Variants in POLD1 observed in about 807,000 individuals in gnomAD.
POLD1 encodes the protein DNA polymerase delta catalytic subunit.
Under a neutral mutation model 129.7 loss-of-function variants are expected in POLD1, and 79 were observed. The ratio of observed to expected loss-of-function variants is 0.61; its 90% CI spans 0.51 to 0.73. The LOEUF is 0.73. Ranked by LOEUF, POLD1 falls within the 30% of genes least tolerant of loss-of-function variation. The pLI is 0.00. For synonymous variants in POLD1, 714 were observed against 683.3 expected (o/e 1.04, Z -0.70); for missense variants, 1,338 against 1,595.8 (o/e 0.84, Z 2.75).
Position 50,406,110 on chromosome 19 carries a change from C to T in POLD1, c.1243-72C>T, listed in dbSNP as rs2122313242. 1 of 1,556,542 alleles carries T rather than the reference C, an allele frequency of 6.4e-7. No individual in the cohort carries two copies. Among genetic ancestry groups the T allele is most frequent in the Non-Finnish European group, 8.8e-7 (1 of 1,142,822 alleles). On this transcript the variant is annotated intron_variant, in intron 10 of 26. Coordinates refer to ENST00000440232, the MANE Select transcript of POLD1 (RefSeq NM_002691.4). This position sits in a 1 kb window ranked among gnomAD's most constrained non-coding sequence, Gnocchi z 5.5. ...TTGTTATAAGGATGTTGTGGTTGGT[C>T]TCAATCTCCGTTCTTCAGGCTTATG... is the stretch of plus-strand genomic sequence containing the variant.
At position 50,409,103 on chromosome 19, in the gene POLD1, C is replaced by T. The variant is rs2039001666; in HGVS notation, c.1893-19C>T. On this transcript the variant is annotated intron_variant, in intron 15 of 26. Transcript: ENST00000440232. The surrounding 1 kb of genome is among the most constrained non-coding windows in gnomAD (Gnocchi z 5.8). The stretch of plus-strand genomic sequence containing the variant: ...AGCAGGAGGGTGGCCGGCAGTCACC[C>T]CAACATCTTCCAACCCAGCCTGACT... 1.3e-6 allele frequency: 2 copies of T among 1,571,950 alleles called. No homozygotes were observed. The highest frequency in any genetic ancestry group is 1.3e-5 in the African/African-American group (1 of 74,154).
chr19:50,394,338 G>C (rs1370057467), intron 1 of POLD1, among the ~76,000 whole-genome samples: 1 of 152,178 alleles, frequency 6.6e-6, no homozygotes, highest in African/African-American at 2.4e-5. Context: ...CAGGGTTGGA[G>C]GGGTGTGTTC....
intron 20 of POLD1, 29 bp from the exon 21 acceptor site, chr19:50,415,409 G>A: frequency 6.3e-7 from 1 of 1,596,662 alleles, no homozygotes; most frequent in Non-Finnish European, 8.6e-7. Context: ...GTGCCTTTTG[G>A]TGACGCTGTG....
rs777809352 is a variant in POLD1, at chr19:50,406,509, G to C, written c.1486G>C (p.Asp496His). The change falls in exon 12 of 27, where the codon GAC becomes CAC. Residue 496 changes from aspartate (D) to histidine (H), a missense_variant. Transcript: ENST00000440232. This position sits in a 1 kb window ranked among gnomAD's most constrained non-coding sequence, Gnocchi z 5.5. Reference protein sequence around the residue: ...KEDVQHSIITDLQNGNDQTRR... With the variant: ...KEDVQHSIITHLQNGNDQTRR... Reference sequence around the variant, plus strand: ...GGACGTGCAGCACAGCATCATCACCGACCTGCAGGTGCCTGCTGCCTCCCT... The same window carrying C: ...GGACGTGCAGCACAGCATCATCACCCACCTGCAGGTGCCTGCTGCCTCCCT... 1.9e-6 allele frequency: 3 copies of C among 1,579,706 alleles called. No individual in the cohort carries two copies. The highest frequency in any genetic ancestry group is 2.6e-6 in the Non-Finnish European group (3 of 1,161,778).
intron 3 of POLD1, among the ~76,000 whole-genome samples, chr19:50,400,496 C>T (rs1322971607): frequency 6.9e-6 from 1 of 144,316 alleles, no homozygotes; most frequent in African/African-American, 2.6e-5. Context: ...GCTGGGATTA[C>T]AGGAGTGAGT....
chr19:50,417,356 G>A (rs1367713577), intron 26 of POLD1, 87 bp downstream of exon 26: 8 of 839,976 alleles, frequency 9.5e-6, no homozygotes, highest in African/African-American at 3.4e-5. Flanking sequence ...TGACTCCAAG[G>A]CCTCTCCTGA....
intron 3 of POLD1, among the ~76,000 whole-genome samples, chr19:50,401,187 G>C (rs1273180137): frequency 6.7e-6 from 1 of 150,298 alleles, no homozygotes; most frequent in African/African-American, 2.4e-5. Flanking sequence ...TGTTCAGGTG[G>C]CTGAGGCACA....
intron 1 of POLD1, among the ~76,000 whole-genome samples, chr19:50,387,256 G>A (rs975033075): frequency 6.6e-6 from 1 of 152,158 alleles, no homozygotes; most frequent in African/African-American, 2.4e-5. Flanking sequence ...GGCGGAGGTT[G>A]CAGTGAGCAA....
At chr19:50,415,413 C>CGG in intron 20 of POLD1, 25 bp from the exon 21 acceptor site, 1 of 1,598,038 alleles carries the variant, frequency 6.3e-7, no homozygotes, top group Non-Finnish European at 8.6e-7. Flanking sequence ...CTTTTGGTGA[C>CGG]GCTGTGCGGC....
Position 50,417,870 on chromosome 19 carries a change from A to G in POLD1, c.3247A>G (p.Lys1083Glu), listed in dbSNP as rs200284426. The G allele has an allele frequency of 6.2e-7, 1 of 1,610,032 alleles. No individual in the cohort carries two copies. ...GGACTGCCCCATCTTCTACATGCGC[A>G]AGAAGGTGCGGAAGGACCTGGAAGA... ...SRDCPIFYMR[K>E]KVRKDLEDQE... The change falls in exon 27 of 27, where the codon AAG becomes GAG. Residue 1083 changes from lysine to glutamate, a missense_variant. Lys to Glu is a moderately conservative substitution (Grantham distance 56). This residue lies in a region of POLD1 where 286 missense variants were observed against 277.5 expected (regional missense o/e 1.03). Coordinates refer to ENST00000440232, the MANE Select transcript of POLD1 (RefSeq NM_002691.4).
intron 19 of POLD1, 24 bp downstream of exon 19, chr19:50,413,903 T>G (rs2122452839): frequency 6.4e-7 from 1 of 1,562,876 alleles, no homozygotes; most frequent in Non-Finnish European, 8.7e-7. Context: ...TCAGGGGCTC[T>G]GCATTTAGGT....
rs864622753 is a variant in POLD1 at position 50,401,837 on chromosome 19, C to T, written c.376C>T (p.Arg126Cys). Reference sequence around the variant, plus strand: ...ATCCCGCGGCTCCGTGCCTGTGCTCCGCGCCTTCGGGGTCACCGATGAGGG... The same window carrying T: ...ATCCCGCGGCTCCGTGCCTGTGCTCTGCGCCTTCGGGGTCACCGATGAGGG... ...PPSRGSVPVL[R>C]AFGVTDEGFS... The change falls in exon 4 of 27, where the codon CGC (arginine) becomes TGC (cysteine). Residue 126 changes from arginine (R) to cysteine (C), a missense_variant. Around this residue, in one of 3 missense-constraint regions of POLD1, gnomAD observed 332 missense variants for 315.7 expected, o/e 1.05. Transcript: ENST00000440232. The T allele has an allele frequency of 8.1e-6, 13 of 1,613,760 alleles. No homozygotes were observed. Among genetic ancestry groups the T allele is most frequent in the Admixed American group, 5.0e-5 (3 of 60,002 alleles).
In POLD1 at chr19:50,406,058, C is replaced by T. The variant is rs2305759; in HGVS notation, c.1243-124C>T. 2 of 1,171,298 alleles carry T rather than the reference C, an allele frequency of 1.7e-6. No homozygotes were observed. Among genetic ancestry groups the T allele is most frequent in the Non-Finnish European group, 2.4e-6 (2 of 818,032 alleles). 72.6% of individuals were successfully genotyped at this position (1,171,298 alleles called of 1,614,324 possible). A position where few individuals can be genotyped will look rare whatever the true frequency, so the allele number is the denominator to read the frequency against. On this transcript the variant is annotated intron_variant, in intron 10 of 26. Coordinates refer to ENST00000440232, the MANE Select transcript of POLD1 (RefSeq NM_002691.4). This position sits in a 1 kb window ranked among gnomAD's most constrained non-coding sequence, Gnocchi z 5.5. Reference sequence around the variant, plus strand: ...CCCAGCCCCAGACCGTCTTTCTGCCCCCAGGGTTGCTCTCGACCCCCTAGG... The same window carrying T: ...CCCAGCCCCAGACCGTCTTTCTGCCTCCAGGGTTGCTCTCGACCCCCTAGG...
chr19:50,388,636 C>T (rs1452719565), intron 1 of POLD1, among the ~76,000 whole-genome samples: 1 of 152,148 alleles, frequency 6.6e-6, no homozygotes, highest in East Asian at 1.9e-4. Flanking sequence ...AGAGAAGGTA[C>T]AAATTGAGTA....
Position 50,401,868 on chromosome 19 carries a change from C to T in POLD1, c.407C>T (p.Ser136Phe), listed in dbSNP as rs2122233853. 1 of 1,614,058 alleles carries T rather than the reference C, an allele frequency of 6.2e-7. No individual in the cohort carries two copies. The highest frequency in any genetic ancestry group is 1.1e-5 in the South Asian group (1 of 91,086). The change falls in exon 4 of 27, where the codon TCT becomes TTT. Residue 136 changes from serine to phenylalanine, a missense_variant. By Grantham distance (155) the Ser-to-Phe change is radical. Around this residue, in one of 3 missense-constraint regions of POLD1, gnomAD observed 332 missense variants for 315.7 expected, o/e 1.05. Coordinates refer to ENST00000440232, the MANE Select transcript of POLD1 (RefSeq NM_002691.4). ...RAFGVTDEGF[S>F]VCCHIHGFAP... ...TTCGGGGTCACCGATGAGGGGTTCT[C>T]TGTCTGCTGCCACATCCACGGCTTC...
chr19:50,398,806 G>A, intron 1 of POLD1, 45 bp from the exon 2 acceptor site: 1 of 1,585,324 alleles, frequency 6.3e-7, no homozygotes, highest in Non-Finnish European at 8.6e-7. Context: ...AGGGTAAGAG[G>A]TGTCTCCGGT....
chr19:50,413,035 G>A (rs1166839119), intron 17 of POLD1, among the ~76,000 whole-genome samples: 1 of 152,130 alleles, frequency 6.6e-6, no homozygotes, highest in Non-Finnish European at 1.5e-5. Context: ...GTACAGGGAT[G>A]GGGGTGGCAC....
At chr19:50,395,377 C>G (rs1036682847) in intron 1 of POLD1, among the ~76,000 whole-genome samples, 3 of 151,824 alleles carry the variant, frequency 2.0e-5, no homozygotes, top group Non-Finnish European at 4.4e-5. Context: ...GGGCGGATCA[C>G]GAGGTCAGGA....
At chr19:50,403,410 G>A in intron 9 of POLD1, 83 bp from the exon 10 acceptor site, 1 of 1,233,998 alleles carries the variant, frequency 8.1e-7, no homozygotes, top group Non-Finnish European at 1.2e-6. Flanking sequence ...TTCAGGGGTG[G>A]CTGGGGTTCT....
Sources: allele counts gnomAD v4.1 joint callset (sites outside exome capture counted in the v4.1 genomes callset), GRCh38; gene constraint gnomAD v4.1.1; regional missense constraint gnomAD v4.1.1; non-coding constraint Gnocchi (gnomAD v3.1); transcripts MANE v1.5; gene names NCBI Gene and HGNC (gene_info 2026-07-23, HGNC 2026-07-21).